Variants in SLC25A26 observed in about 807,000 individuals in gnomAD.
SLC25A26 encodes the protein mitochondrial S-adenosylmethionine carrier protein.
Under a neutral mutation model 37.8 loss-of-function variants are expected in SLC25A26, and 36 were observed. That is an observed-to-expected ratio of 0.95 (90% CI 0.73 to 1.26). The LOEUF (loss-of-function observed/expected upper bound fraction) is 1.26, where lower values mean the gene tolerates loss of function less well. Among genes scored for constraint, SLC25A26 ranks in the 50% most tolerant of loss-of-function variants. The probability of loss-of-function intolerance (pLI) is 0.00; values close to 1 mark genes in which losing one functional copy is unlikely to be tolerated. For missense variants in SLC25A26, 390 were observed against 331.1 expected (o/e 1.18, Z -1.38); for synonymous variants, 129 against 122.5 (o/e 1.05, Z -0.35).
intron 1 of SLC25A26, among the ~76,000 whole-genome samples, chr3:66,172,554 G>T (rs566327673): frequency 6.6e-6 from 1 of 152,066 alleles, no homozygotes; most frequent in Non-Finnish European, 1.5e-5. Context: ...TAGTGTGCTG[G>T]GGCTGTCATA....
intron 5 of SLC25A26, among the ~76,000 whole-genome samples, chr3:66,330,342 A>G (rs1559706614): frequency 6.6e-6 from 1 of 152,170 alleles, no homozygotes; most frequent in Non-Finnish European, 1.5e-5. Flanking sequence ...AGGGAAAAAC[A>G]CTGATGTTCC....
At chr3:66,181,628 A>G (rs1428867260) in intron 1 of SLC25A26, among the ~76,000 whole-genome samples, 4 of 152,166 alleles carry the variant, frequency 2.6e-5, no homozygotes, top group Non-Finnish European at 5.9e-5. Flanking sequence ...AGAAACCAAA[A>G]TTCAGAGAGG....
chr3:66,224,179 C>T (rs959331428), intron 1 of SLC25A26, among the ~76,000 whole-genome samples: 3 of 152,126 alleles, frequency 2.0e-5, no homozygotes, highest in African/African-American at 7.2e-5. Flanking sequence ...GAAAAAAAGC[C>T]AGATTGAAAT....
At chr3:66,353,660 G>GA (rs2076511194) in intron 6 of SLC25A26, among the ~76,000 whole-genome samples, 1 of 152,190 alleles carries the variant, frequency 6.6e-6, no homozygotes, top group African/African-American at 2.4e-5. Context: ...TGTAGCTTAG[G>GA]AAAGCCTGGC....
Position 66,262,256 on chromosome 3 carries a change from A to G in SLC25A26, c.405+101A>G, listed in dbSNP as rs2073560364. 2.3e-5 allele frequency: 13 copies of G among 563,920 alleles called. No homozygotes were observed. In the South Asian group the frequency reaches 4.6e-4, roughly 20 times the overall value. The allele number at this position is 563,920 out of a possible 1,614,324, so 34.9% of individuals were successfully genotyped here. On this transcript the variant is annotated intron_variant, in intron 4 of 9. Coordinates refer to ENST00000354883, the MANE Select transcript of SLC25A26 (RefSeq NM_001379210.1). Reference sequence around the variant, plus strand: ...TCCTAAGAGCCTTAGAGAAAACTTTAGAGCTAAATTTAATGTCCAGTTATA... The same window carrying G: ...TCCTAAGAGCCTTAGAGAAAACTTTGGAGCTAAATTTAATGTCCAGTTATA...
intron 1 of SLC25A26, among the ~76,000 whole-genome samples, chr3:66,183,654 TCACGATCTTGAC>T (rs538281359): frequency 1.1e-4 from 17 of 152,092 alleles, no homozygotes; most frequent in Admixed American, 9.2e-4. Context: ...CTGACCTTCA[TCACGATCTTGAC>T]CCTGACCTTG....
intron 5 of SLC25A26, among the ~76,000 whole-genome samples, chr3:66,278,086 G>A (rs2074216892): frequency 6.6e-6 from 1 of 152,112 alleles, no homozygotes; most frequent in Non-Finnish European, 1.5e-5. Flanking sequence ...TATTAGCATT[G>A]CAGCAAAACT....
intron 5 of SLC25A26, among the ~76,000 whole-genome samples, chr3:66,282,252 C>T (rs192954698): frequency 2.0e-5 from 3 of 151,702 alleles, no homozygotes; most frequent in Non-Finnish European, 4.4e-5. Flanking sequence ...ACCTCATGAT[C>T]CACCCGCCTC....
rs138076148 is a variant in SLC25A26 at position 66,159,130 on chromosome 3, G to A, written c.-354+25146G>A. On this transcript the variant is annotated intron_variant, in intron 1 of 10. Coordinates refer to the SLC25A26 transcript ENST00000676754. ...GAACACATGGCAACACGGTGGGCCC[G>A]TGTCCTGCTTTAGGAGCTGGGTCAG... 5.4e-3 allele frequency among the ~76,000 whole-genome samples: 827 copies of A among 152,262 alleles called. 3 individuals carry two copies. Among genetic ancestry groups the A allele is most frequent in the Non-Finnish European group, 7.9e-3 (537 of 68,024 alleles).
intron 5 of SLC25A26, among the ~76,000 whole-genome samples, chr3:66,288,004 A>AT (rs1409806144): frequency 4.6e-5 from 7 of 152,230 alleles, no homozygotes; most frequent in Admixed American, 1.3e-4. Context: ...ACCAGAAAAC[A>AT]TTTATAGAGT....
intron 1 of SLC25A26, among the ~76,000 whole-genome samples, chr3:66,202,392 T>C (rs1487149664): frequency 6.6e-6 from 1 of 151,912 alleles, no homozygotes; most frequent in East Asian, 1.9e-4. Context: ...ACGGATAGCA[T>C]TAGAAGAAAT....
intron 1 of SLC25A26, among the ~76,000 whole-genome samples, chr3:66,137,097 C>T (rs1422514142): frequency 2.0e-5 from 3 of 152,042 alleles, no homozygotes; most frequent in Non-Finnish European, 4.4e-5. Flanking sequence ...AATAGCTTGA[C>T]TAATAGATGT....
intron 1 of SLC25A26, among the ~76,000 whole-genome samples, chr3:66,221,436 G>A (rs2071490236): frequency 6.6e-6 from 1 of 152,182 alleles, no homozygotes; most frequent in African/African-American, 2.4e-5. Context: ...ATTAAATAGT[G>A]TAACTACTCT....
chr3:66,262,134 C>A lies in SLC25A26; in HGVS notation c.384C>A (p.Phe128Leu). 6.4e-7 allele frequency: 1 copy of A among 1,561,862 alleles called. No individual in the cohort carries two copies. Among genetic ancestry groups the A allele is most frequent in the Non-Finnish European group, 8.7e-7 (1 of 1,149,898 alleles). Residue 128 changes from phenylalanine to leucine, a missense_variant, in exon 4 of 10, where the codon TTC (phenylalanine) becomes TTA (leucine). Physicochemically the swap from Phe to Leu is conservative, Grantham distance 22. Coordinates refer to ENST00000354883, the MANE Select transcript of SLC25A26 (RefSeq NM_001379210.1). ...VSASTRTFQI[F>L]SNILYEEGIQ... The stretch of plus-strand genomic sequence containing the variant: ...CTTCTACAAGAACATTTCAGATTTT[C>A]TCTAACATCTTATATGAAGAGGTGA...
intron 1 of SLC25A26, among the ~76,000 whole-genome samples, chr3:66,182,258 G>C (rs1457826462): frequency 6.6e-6 from 1 of 152,132 alleles, no homozygotes; most frequent in African/African-American, 2.4e-5. Flanking sequence ...GTGAGTGGTA[G>C]GGCGCGGTGT....
intron 3 of SLC25A26, among the ~76,000 whole-genome samples, chr3:66,251,252 G>A (rs994986622): frequency 6.6e-6 from 1 of 152,168 alleles, no homozygotes; most frequent in African/African-American, 2.4e-5. Context: ...CCTGGCAGCT[G>A]TGTGGAGATA....
chr3:66,208,692 G>GTATA (rs1209909748), intron 1 of SLC25A26, among the ~76,000 whole-genome samples: 300 of 124,716 alleles, frequency 2.4e-3, no homozygotes, highest in African/African-American at 5.6e-3. Context: ...ATTTATATGG[G>GTATA]TATATATATA....
At chr3:66,196,514 G>A (rs897413359) in intron 1 of SLC25A26, among the ~76,000 whole-genome samples, 5 of 152,178 alleles carry the variant, frequency 3.3e-5, no homozygotes, top group African/African-American at 1.2e-4. Flanking sequence ...GTCTAAGGAA[G>A]TGAGGGTTTT....
chr3:66,233,297 A>C lies in SLC25A26; in HGVS notation c.34-3247A>C, dbSNP rs544650100. Among the ~76,000 whole-genome samples the C allele has an allele frequency of 3.3e-5, 5 of 152,358 alleles. No homozygotes were observed. The South Asian group carries it at 1.0e-3, about 32-fold the overall frequency. On this transcript the variant is annotated intron_variant, in intron 1 of 9. Transcript: ENST00000354883. The stretch of plus-strand genomic sequence containing the variant: ...CAACACTTCATACGTTTATTAACTT[A>C]AGGTAGAGACATGTATTTTATCTAT...
Sources: allele counts gnomAD v4.1 joint callset (sites outside exome capture counted in the v4.1 genomes callset), GRCh38; gene constraint gnomAD v4.1.1; transcripts MANE v1.5; gene names NCBI Gene and HGNC (gene_info 2026-07-23, HGNC 2026-07-21).